The following NID1 variants were observed in gnomAD, a reference collection of about 807,000 sequenced individuals.
NID1 encodes the protein nidogen 1.
NID1 carries 76 observed loss-of-function variants against 130.6 expected under a neutral mutation model. That is an observed-to-expected ratio of 0.58 (90% confidence interval 0.48 to 0.70). The LOEUF (loss-of-function observed/expected upper bound fraction) is 0.70. Ranked by LOEUF, NID1 falls within the 30% of genes least tolerant of loss-of-function variation. The pLI, the probability that NID1 is intolerant of heterozygous loss-of-function variation, is 0.00. For synonymous variants in NID1, 665 were observed against 675.1 expected, an observed-to-expected ratio of 0.98 and a Z score of 0.23; for missense variants, 1,517 against 1,664.8, an observed-to-expected ratio of 0.91 and a Z score of 1.54.
intron 10 of NID1, among the ~76,000 whole-genome samples, chr1:236,015,270 A>C (rs1273430186): frequency 1.3e-5 from 2 of 152,350 alleles, no homozygotes; most frequent in South Asian, 2.1e-4. Context: ...GAATGCGTGT[A>C]GGCAGACTTG....
chr1:236,058,558 A>T (rs754268276), intron 1 of NID1, among the ~76,000 whole-genome samples: 1 of 152,254 alleles, frequency 6.6e-6, no homozygotes, highest in African/African-American at 2.4e-5. Flanking sequence ...TTCCCATCTT[A>T]GAAAGCACTT....
chr1:236,013,354 A>G (rs1558432690), intron 11 of NID1, 57 bp downstream of exon 11: 2 of 1,589,074 alleles, frequency 1.3e-6, no homozygotes, highest in Non-Finnish European at 1.7e-6. Context: ...CATGACAGGT[A>G]CCACCTAGGA....
intron 8 of NID1, 98 bp from the exon 9 acceptor site, chr1:236,024,311 G>A (rs1228916831): frequency 1.4e-6 from 2 of 1,432,522 alleles, no homozygotes; most frequent in African/African-American, 1.4e-5. Context: ...GAGCAAGAAG[G>A]TGATCACAGA....
intron 12 of NID1, among the ~76,000 whole-genome samples, chr1:236,004,904 G>A (rs577524289): frequency 7.2e-5 from 11 of 152,106 alleles, no homozygotes; most frequent in Non-Finnish European, 1.5e-4. Flanking sequence ...AGCCCGGCAC[G>A]GTGGCTCACG....
At chr1:236,063,763 G>A (rs1660110868) in intron 1 of NID1, among the ~76,000 whole-genome samples, 1 of 152,136 alleles carries the variant, frequency 6.6e-6, no homozygotes, top group African/African-American at 2.4e-5. Flanking sequence ...CCCAGCCTGG[G>A]CAACAGAGCA....
intron 12 of NID1, among the ~76,000 whole-genome samples, chr1:236,011,546 A>G (rs1475308): frequency 0.6 from 90,669 of 151,924 alleles, 28,175 homozygotes; most frequent in East Asian, 0.76. Flanking sequence ...CAAGTGATCC[A>G]CCCACCTCGG....
At chr1:236,053,555 A>T (rs996042585) in intron 1 of NID1, among the ~76,000 whole-genome samples, 3 of 152,072 alleles carry the variant, frequency 2.0e-5, no homozygotes, top group African/African-American at 7.2e-5. Flanking sequence ...CATCCCCTCC[A>T]GTGGAAGCTC....
chr1:236,008,883 C>T (rs1658327840), intron 12 of NID1, among the ~76,000 whole-genome samples: 1 of 152,114 alleles, frequency 6.6e-6, no homozygotes, highest in African/African-American at 2.4e-5. Flanking sequence ...TCAGGCTGGT[C>T]TTGAACTCCC....
chr1:236,017,979 G>A (rs542840300), intron 9 of NID1, among the ~76,000 whole-genome samples: 80 of 152,186 alleles, frequency 5.3e-4, no homozygotes, highest in African/African-American at 1.8e-3. Context: ...GCTATTATTC[G>A]AAAATATTAC....
At chr1:236,064,734 T>C in intron 1 of NID1, 121 bp downstream of exon 1, 1 of 817,848 alleles carries the variant, frequency 1.2e-6, no homozygotes, top group African/African-American at 1.8e-5. Flanking sequence ...CCGTGCCCGG[T>C]GCCCCGGCGG....
intron 8 of NID1, among the ~76,000 whole-genome samples, chr1:236,024,857 G>A (rs1010815194): frequency 5.3e-5 from 8 of 152,074 alleles, no homozygotes; most frequent in African/African-American, 1.7e-4. Context: ...AGACCAGACC[G>A]CAGCGCCAGT....
chr1:235,994,698 TTC>T (rs1491282171), intron 12 of NID1, among the ~76,000 whole-genome samples: 10 of 106,458 alleles, frequency 9.4e-5, no homozygotes, highest in Non-Finnish European at 1.1e-4. Flanking sequence ...CTTCTTCTTC[TTC>T]TTTTTTTTTT....
chr1:236,028,188 A>T, intron 7 of NID1, among the ~76,000 whole-genome samples: 1 of 152,226 alleles, frequency 6.6e-6, no homozygotes, highest in East Asian at 1.9e-4. Flanking sequence ...AATCACACAG[A>T]TTCCTTAAAA....
intron 4 of NID1, among the ~76,000 whole-genome samples, chr1:236,041,117 G>C (rs1045279265): frequency 1.3e-5 from 2 of 152,122 alleles, no homozygotes; most frequent in African/African-American, 2.4e-5. Context: ...TGCCAGGCTG[G>C]AGTGCAGTGG....
At chr1:236,063,037 C>T (rs898275843) in intron 1 of NID1, among the ~76,000 whole-genome samples, 1 of 151,314 alleles carries the variant, frequency 6.6e-6, no homozygotes, top group Admixed American at 6.6e-5. Context: ...GCCTATAGTC[C>T]CACCTACTCA....
intron 13 of NID1, among the ~76,000 whole-genome samples, chr1:235,993,117 G>A (rs993281920): frequency 2.0e-5 from 3 of 152,196 alleles, no homozygotes; most frequent in African/African-American, 7.2e-5. Flanking sequence ...TTGCTCCTTG[G>A]ATTGGAAAAT....
intron 1 of NID1, among the ~76,000 whole-genome samples, chr1:236,061,503 G>C: frequency 6.6e-6 from 1 of 151,920 alleles, no homozygotes. Context: ...GTCTCACTCT[G>C]TTTCCCAGGC....
intron 12 of NID1, among the ~76,000 whole-genome samples, chr1:236,009,613 T>C (rs745739025): frequency 6.6e-6 from 1 of 152,250 alleles, no homozygotes; most frequent in Non-Finnish European, 1.5e-5. Flanking sequence ...TTTATACACA[T>C]GGGGCCATGC....
At chr1:236,004,800 C>T (rs953743615) in intron 12 of NID1, among the ~76,000 whole-genome samples, 15 of 144,176 alleles carry the variant, frequency 1.0e-4, no homozygotes, top group Non-Finnish European at 1.8e-4. Flanking sequence ...ACTAAAGGGG[C>T]TAGAAGAGCT....
Sources: gnomAD v4.1 joint callset for allele counts (sites outside exome capture counted in the v4.1 genomes callset) on GRCh38, gnomAD v4.1.1 for gene constraint, MANE v1.5 for transcripts, NCBI Gene and HGNC (gene_info 2026-07-23, HGNC 2026-07-21) for gene names.